Variants in IMMP1L observed in about 807,000 individuals in gnomAD.
IMMP1L encodes the protein mitochondrial inner membrane protease subunit 1.
A neutral mutation model predicts 21.8 loss-of-function variants in IMMP1L; 24 were observed. The observed-to-expected ratio is 1.10, with a 90% CI of 0.80 to 1.55. The LOEUF (loss-of-function observed/expected upper bound fraction) is 1.55, where lower values mean the gene tolerates loss of function less well. IMMP1L is among the 40% of genes most tolerant of loss of function. The pLI is 0.00. For missense variants in IMMP1L, 195 were observed against 200.7 expected (o/e 0.97, Z 0.17); for synonymous variants, 46 against 62.8 (o/e 0.73, Z 1.26).
At chr11:31,501,088 G>A (rs902946584) in intron 1 of IMMP1L, among the ~76,000 whole-genome samples, 2 of 152,102 alleles carry the variant, frequency 1.3e-5, no homozygotes, top group South Asian at 2.1e-4. Context: ...ATAACCATAC[G>A]TGTTTAATGA....
At chr11:31,457,392 C>T (rs910190613) in intron 3 of IMMP1L, among the ~76,000 whole-genome samples, 1 of 152,116 alleles carries the variant, frequency 6.6e-6, no homozygotes, top group Non-Finnish European at 1.5e-5. Flanking sequence ...AAACAGAACA[C>T]AATACTCTTT....
chr11:31,442,153 G>A (rs540894281), intron 4 of IMMP1L, among the ~76,000 whole-genome samples: 2 of 152,088 alleles, frequency 1.3e-5, no homozygotes, highest in South Asian at 4.1e-4. Context: ...TCCTTTCTAC[G>A]ACAGAGGTTT....
chr11:31,450,600 C>A (rs1269793146), intron 4 of IMMP1L, among the ~76,000 whole-genome samples: 1 of 152,152 alleles, frequency 6.6e-6, no homozygotes, highest in Non-Finnish European at 1.5e-5. Context: ...CAACTTTCAC[C>A]TGCCATTGTC....
intron 4 of IMMP1L, among the ~76,000 whole-genome samples, chr11:31,448,370 G>A (rs1447696756): frequency 2.6e-5 from 4 of 152,030 alleles, no homozygotes; most frequent in East Asian, 1.9e-4. Context: ...CATCACACTT[G>A]GAATATATTC....
intron 1 of IMMP1L, among the ~76,000 whole-genome samples, chr11:31,497,501 C>T (rs548577158): frequency 2.5e-4 from 36 of 142,290 alleles, no homozygotes; most frequent in African/African-American, 8.4e-4. Context: ...CTCGCTCTGT[C>T]GCCAGACTGG....
intron 1 of IMMP1L, among the ~76,000 whole-genome samples, chr11:31,471,137 GATAA>G (rs558880927): frequency 7.9e-4 from 121 of 152,264 alleles, no homozygotes; most frequent in Non-Finnish European, 1.5e-3. Context: ...ACAGAGAAAG[GATAA>G]ATGTTTGAGG....
At chr11:31,463,475 T>C (rs570896855) in intron 1 of IMMP1L, among the ~76,000 whole-genome samples, 170 bp from the exon 2 acceptor site, 4 of 152,172 alleles carry the variant, frequency 2.6e-5, no homozygotes, top group Non-Finnish European at 5.9e-5. Flanking sequence ...AAATGGCAAA[T>C]TGTAGCCACT....
intron 1 of IMMP1L, among the ~76,000 whole-genome samples, chr11:31,467,439 A>C (rs767451802): frequency 5.3e-5 from 8 of 152,282 alleles, no homozygotes; most frequent in Non-Finnish European, 1.2e-4. Flanking sequence ...CAAACAAAGG[A>C]ACCATTCTGA....
intron 3 of IMMP1L, among the ~76,000 whole-genome samples, chr11:31,460,245 C>G (rs1001163951): frequency 6.6e-6 from 1 of 152,082 alleles, no homozygotes; most frequent in Non-Finnish European, 1.5e-5. Flanking sequence ...ATCAATAGAA[C>G]TACAGGATTA....
intron 4 of IMMP1L, among the ~76,000 whole-genome samples, chr11:31,453,906 G>GC (rs1953847512): frequency 6.6e-6 from 1 of 152,128 alleles, no homozygotes; most frequent in Non-Finnish European, 1.5e-5. Flanking sequence ...AGTAGTAGTG[G>GC]CATCGTGAGG....
chr11:31,441,067 A>G (rs1467736873), intron 4 of IMMP1L, among the ~76,000 whole-genome samples: 1 of 152,210 alleles, frequency 6.6e-6, no homozygotes, highest in Non-Finnish European at 1.5e-5. Flanking sequence ...AATAAGTTGC[A>G]GGGCAATGTG....
intron 3 of IMMP1L, 101 bp downstream of exon 3, chr11:31,460,525 A>G (rs1356767542): frequency 1.5e-6 from 1 of 653,164 alleles, no homozygotes; most frequent in Non-Finnish European, 2.7e-6. Context: ...ATGTTTATTT[A>G]TGAAAGAGGT....
intron 3 of IMMP1L, 109 bp downstream of exon 3, chr11:31,460,517 G>A (rs1233385129): frequency 1.6e-6 from 1 of 633,200 alleles, no homozygotes; most frequent in Non-Finnish European, 2.8e-6. Flanking sequence ...TTATTAATAT[G>A]TTTATTTATG....
At chr11:31,506,266 C>T (rs1348868080) in intron 1 of IMMP1L, among the ~76,000 whole-genome samples, 6 of 80 alleles carry the variant, frequency 0.075, no homozygotes, top group Non-Finnish European at 0.11. Context: ...CTCGCTGTGT[C>T]GCCCAGGCCT....
intron 1 of IMMP1L, among the ~76,000 whole-genome samples, chr11:31,503,317 A>T (rs1287683962): frequency 6.6e-6 from 1 of 152,220 alleles, no homozygotes; most frequent in Non-Finnish European, 1.5e-5. Context: ...AAAATCAATA[A>T]TTAAGCTTTT....
intron 4 of IMMP1L, among the ~76,000 whole-genome samples, chr11:31,454,011 T>C (rs1953850673): frequency 6.6e-6 from 1 of 152,186 alleles, no homozygotes; most frequent in South Asian, 2.1e-4. Flanking sequence ...TTCTTTAGAT[T>C]ACCTATCAGT....
intron 4 of IMMP1L, chr11:31,437,052 T>G (rs536532132): frequency 6.3e-5 from 23 of 363,090 alleles, no homozygotes; most frequent in Admixed American, 2.0e-4. Flanking sequence ...AAGATCTCTA[T>G]AAAACAAGAA....
chr11:31,447,315 G>A (rs1380439146), intron 4 of IMMP1L, among the ~76,000 whole-genome samples: 2 of 152,166 alleles, frequency 1.3e-5, no homozygotes, highest in Non-Finnish European at 2.9e-5. Context: ...GCCTCATTAA[G>A]GAAGATGTGT....
chr11:31,500,386 CTA>C (rs1196146845), intron 1 of IMMP1L, among the ~76,000 whole-genome samples: 1 of 152,000 alleles, frequency 6.6e-6, no homozygotes, highest in South Asian at 2.1e-4. Context: ...AAAAAAAATT[CTA>C]TGTCTCTGTA....
Sources: gnomAD v4.1 joint callset for allele counts (sites outside exome capture counted in the v4.1 genomes callset) on GRCh38, gnomAD v4.1.1 for gene constraint, MANE v1.5 for transcripts, NCBI Gene and HGNC (gene_info 2026-07-23, HGNC 2026-07-21) for gene names.